The following TNRC6A variants were observed in gnomAD, a reference collection of about 807,000 sequenced individuals.
The protein encoded by TNRC6A is trinucleotide repeat containing adaptor 6A.
TNRC6A carries 44 observed loss-of-function variants against 221.2 expected under a neutral mutation model. The observed-to-expected ratio is 0.20, with a 90% CI of 0.16 to 0.26. The LOEUF (loss-of-function observed/expected upper bound fraction) is 0.26, where lower values mean the gene tolerates loss of function less well. Among genes scored for constraint, TNRC6A ranks in the 10% least tolerant of loss-of-function variants. The probability of loss-of-function intolerance (pLI) is 1.00; values close to 1 mark genes in which losing one functional copy is unlikely to be tolerated. For synonymous variants in TNRC6A, 847 were observed against 838.5 expected, an observed-to-expected ratio of 1.01 and a Z score of -0.18; for missense variants, 2,199 against 2,404.4, an observed-to-expected ratio of 0.91 and a Z score of 1.79.
intron 2 of TNRC6A, among the ~76,000 whole-genome samples, chr16:24,670,584 AG>A (rs2055275373): frequency 6.6e-6 from 1 of 152,196 alleles, no homozygotes; most frequent in Non-Finnish European, 1.5e-5. Flanking sequence ...CAAATTCAGT[AG>A]ACTATCTGAG....
intron 2 of TNRC6A, among the ~76,000 whole-genome samples, chr16:24,721,556 A>T (rs1395541209): frequency 6.6e-6 from 1 of 152,022 alleles, no homozygotes; most frequent in East Asian, 1.9e-4. Flanking sequence ...CTGTAATCCC[A>T]GCACTTTGGG....
intron 2 of TNRC6A, among the ~76,000 whole-genome samples, chr16:24,657,648 G>A (rs966199578): frequency 3.3e-5 from 5 of 150,566 alleles, no homozygotes; most frequent in Non-Finnish European, 4.4e-5. Flanking sequence ...GGCAGAGGTT[G>A]CAGTGAGCTG....
chr16:24,776,854 C>T, intron 4 of TNRC6A, 79 bp from the exon 5 acceptor site: 1 of 1,528,320 alleles, frequency 6.5e-7, no homozygotes, highest in Non-Finnish European at 8.8e-7. Flanking sequence ...TTCTTAGTGC[C>T]TTTGAATTTA....
intron 2 of TNRC6A, among the ~76,000 whole-genome samples, chr16:24,737,236 C>G (rs1350134914): frequency 1.3e-5 from 2 of 152,144 alleles, no homozygotes; most frequent in Non-Finnish European, 2.9e-5. Flanking sequence ...CATTACTCCT[C>G]AAAGATTAAG....
At chr16:24,787,300 A>G (rs908867798) in intron 5 of TNRC6A, among the ~76,000 whole-genome samples, 1 of 152,206 alleles carries the variant, frequency 6.6e-6, no homozygotes, top group Non-Finnish European at 1.5e-5. Context: ...TCCTGTCTAC[A>G]TTCTTAGGCA....
In TNRC6A at chr16:24,700,192, A is replaced by C. The variant is rs144245910; in HGVS notation, n.403-50534A>C. ...GGAGGATCACTCAAAGGCCAGGAGG[A>C]GTTCAAGACCAGCCTGGGCAACATA... On this transcript the variant is annotated intron_variant and non_coding_transcript_variant, in intron 2 of 2. Coordinates refer to the TNRC6A transcript ENST00000566108. Among the ~76,000 whole-genome samples the C allele has an allele frequency of 1.6e-3, 242 of 152,118 alleles. 1 individual carries two copies. The highest frequency in any genetic ancestry group is 5.6e-3 in the African/African-American group (234 of 41,508).
At chr16:24,665,097 ACT>A in intron 2 of TNRC6A, 1 of 413,016 alleles carries the variant, frequency 2.4e-6, no homozygotes, top group South Asian at 1.8e-5. Flanking sequence ...ACAAGGTCTC[ACT>A]CTGTTGCCTA....
chr16:24,614,410 T>G (rs1596534911), intron 1 of TNRC6A, among the ~76,000 whole-genome samples: 1 of 152,228 alleles, frequency 6.6e-6, no homozygotes, highest in Admixed American at 6.5e-5. Flanking sequence ...AAAAGGCTAA[T>G]AAGCTGGACA....
At chr16:24,653,560 G>T (rs183938616) in intron 2 of TNRC6A, among the ~76,000 whole-genome samples, 249 of 152,306 alleles carry the variant, frequency 1.6e-3, no homozygotes, top group African/African-American at 5.4e-3. Flanking sequence ...CAGATCACCT[G>T]ATGTCAGGAG....
chr16:24,750,743 A>C lies in TNRC6A; in HGVS notation c.71A>C (p.Glu24Ala), dbSNP rs1365315564. The C allele has an allele frequency of 1.9e-6, 3 of 1,555,316 alleles. No homozygotes were observed. The highest frequency in any genetic ancestry group is 2.6e-6 in the Non-Finnish European group (3 of 1,157,004). Residue 24 changes from glutamate to alanine, a missense_variant, in exon 3 of 25, where the codon GAA becomes GCA. Physicochemically the swap from Glu to Ala is moderately radical, Grantham distance 107 (BLOSUM62 -1). Coordinates refer to ENST00000395799, the MANE Select transcript of TNRC6A (RefSeq NM_014494.4). ...RNLSRDLVQE[E>A]EQLMEEKKKK... ...TGGTTCAGGGATTTAGTGCAAGAAG[A>C]AGAACAGTTGATGGAAGAAAAGAAA...
chr16:24,783,711 C>T (rs944180154), intron 5 of TNRC6A, among the ~76,000 whole-genome samples: 1 of 152,172 alleles, frequency 6.6e-6, no homozygotes, highest in Non-Finnish European at 1.5e-5. Context: ...CAGTAAAACT[C>T]AGCCGCTCCC....
At chr16:24,620,901 T>A (rs1355676278) in intron 1 of TNRC6A, among the ~76,000 whole-genome samples, 1 of 151,812 alleles carries the variant, frequency 6.6e-6, no homozygotes, top group Non-Finnish European at 1.5e-5. Flanking sequence ...CTGGCCAACA[T>A]GGTGAAACCC....
intron 2 of TNRC6A, among the ~76,000 whole-genome samples, chr16:24,722,868 G>C (rs537036006): frequency 6.6e-6 from 1 of 152,206 alleles, no homozygotes; most frequent in Non-Finnish European, 1.5e-5. Context: ...AAAGAAAGCA[G>C]ATTAGAGACC....
intron 2 of TNRC6A, among the ~76,000 whole-genome samples, chr16:24,720,639 C>T (rs1415750156): frequency 2.9e-5 from 4 of 139,224 alleles, no homozygotes; most frequent in African/African-American, 5.5e-5. Context: ...TGCAGTGAGC[C>T]GAGATCATGC....
chr16:24,793,543 T>A lies in TNRC6A; in HGVS notation c.3246T>A (p.Gly1082=), dbSNP rs752312777. ...TTVDNGTSAW[G]KPIDSGPSWG... Reference sequence around the variant, plus strand: ...TGGATAATGGTACTTCAGCATGGGGTAAGCCCATAGACAGTGGTCCCAGCT... The same window carrying A: ...TGGATAATGGTACTTCAGCATGGGGAAAGCCCATAGACAGTGGTCCCAGCT... Residue 1082 remains glycine, a synonymous_variant, in exon 7 of 25, where the codon GGT becomes GGA. Transcript: ENST00000395799. 12 of 1,569,564 alleles carry A rather than the reference T, an allele frequency of 7.6e-6. No individual in the cohort carries two copies. The highest frequency in any genetic ancestry group is 1.0e-5 in the Non-Finnish European group (12 of 1,157,040).
In TNRC6A at chr16:24,784,034, A is replaced by T. The variant is rs553976689; in HGVS notation, c.590-5198A>T. On this transcript the variant is annotated intron_variant, in intron 5 of 24. Coordinates refer to ENST00000395799, the MANE Select transcript of TNRC6A (RefSeq NM_014494.4). Reference sequence around the variant, plus strand: ...TGTTTTGAGATGGAGTTTCGCTCTTACATAATGCCCAGGCTGGAGTGCAGT... The same window carrying T: ...TGTTTTGAGATGGAGTTTCGCTCTTTCATAATGCCCAGGCTGGAGTGCAGT... Among the ~76,000 whole-genome samples, 6 of 152,202 alleles carry T rather than the reference A, an allele frequency of 3.9e-5. No homozygotes were observed. In the South Asian group the frequency reaches 1.2e-3, roughly 32 times the overall value.
rs763761044 is a variant in TNRC6A at position 24,790,263 on chromosome 16, G to A, written c.1621G>A (p.Ala541Thr). The stretch of plus-strand genomic sequence containing the variant: ...CAAATGTTCAGGCCCTAATGGCCAA[G>A]CTAATGGTGACACTGTGAATGCAAC... ...GDKCSGPNGQ[A>T]NGDTVNATLM... Residue 541 changes from alanine to threonine, a missense_variant, in exon 6 of 25, where the codon GCT (alanine) becomes ACT (threonine). Around this residue, in one of 8 missense-constraint regions of TNRC6A, gnomAD observed 1,405 missense variants for 1,400.2 expected, o/e 1.00. Transcript: ENST00000395799. 13 of 1,614,116 alleles carry A rather than the reference G, an allele frequency of 8.1e-6. 1 individual carries two copies. The South Asian group carries it at 1.4e-4, about 18-fold the overall frequency.
intron 5 of TNRC6A, among the ~76,000 whole-genome samples, chr16:24,783,285 T>G (rs924650977): frequency 1.3e-5 from 2 of 152,104 alleles, no homozygotes; most frequent in Non-Finnish European, 2.9e-5. Flanking sequence ...TCCACCACCA[T>G]GCCCAGCTAA....
At chr16:24,702,558 C>T (rs9935217) in intron 2 of TNRC6A, among the ~76,000 whole-genome samples, 76,258 of 151,882 alleles carry the variant, frequency 0.5, 20,726 homozygotes, top group East Asian at 0.86. Context: ...ATGAAATTGT[C>T]ATTTTTTCAG....
Sources: allele counts gnomAD v4.1 joint callset (sites outside exome capture counted in the v4.1 genomes callset), GRCh38; gene constraint gnomAD v4.1.1; regional missense constraint gnomAD v4.1.1; transcripts MANE v1.5; gene names NCBI Gene and HGNC (gene_info 2026-07-23, HGNC 2026-07-21).